Variants in PALD1 observed in about 807,000 individuals in gnomAD.
The protein encoded by PALD1 is phosphatase domain containing paladin 1, also known as paladin.
Under a neutral mutation model 96.0 loss-of-function variants are expected in PALD1, and 57 were observed. The ratio of observed to expected loss-of-function variants is 0.59; its 90% confidence interval spans 0.48 to 0.74. PALD1 has a LOEUF of 0.74. PALD1 is among the 30% of genes least tolerant of loss of function. The pLI, the probability that PALD1 is intolerant of heterozygous loss-of-function variation, is 0.00. For synonymous variants in PALD1, 464 were observed against 473.6 expected, an observed-to-expected ratio of 0.98 and a Z score of 0.26; for missense variants, 1,063 against 1,143.7, an observed-to-expected ratio of 0.93 and a Z score of 1.02.
At chr10:70,511,642 C>T (rs965435963) in intron 1 of PALD1, among the ~76,000 whole-genome samples, 8 of 152,196 alleles carry the variant, frequency 5.3e-5, no homozygotes, top group African/African-American at 9.7e-5. Flanking sequence ...GCATCTGGTG[C>T]AGGCCTTCTT....
At chr10:70,526,201 G>C in intron 2 of PALD1, 65 bp downstream of exon 2, 1 of 1,362,576 alleles carries the variant, frequency 7.3e-7, no homozygotes, top group Non-Finnish European at 1.0e-6. Flanking sequence ...ACCTGCTTGG[G>C]GGTGCAGTGG....
intron 10 of PALD1, among the ~76,000 whole-genome samples, chr10:70,535,632 G>A (rs558472865): frequency 9.3e-6 from 1 of 107,468 alleles, no homozygotes; most frequent in African/African-American, 3.9e-5. Flanking sequence ...CCTTCTTCTC[G>A]TCTTCCTCCT....
intron 1 of PALD1, among the ~76,000 whole-genome samples, chr10:70,514,584 T>C (rs1336134164): frequency 1.3e-5 from 2 of 152,030 alleles, no homozygotes; most frequent in Non-Finnish European, 2.9e-5. Flanking sequence ...GCCAGGAGCC[T>C]CTGCCTCCAT....
chr10:70,555,190 G>GTCTCAAACTCCTGGACTCAAGTGATC (rs1209265194), intron 18 of PALD1, among the ~76,000 whole-genome samples: 1 of 150,144 alleles, frequency 6.7e-6, no homozygotes, highest in Non-Finnish European at 1.5e-5. Flanking sequence ...TCCCAGGCTG[G>GTCTCAAACTCCTGGACTCAAGTGATC]TCTCAAACTC....
At chr10:70,484,743 T>C (rs529262157) in intron 1 of PALD1, among the ~76,000 whole-genome samples, 1 of 152,250 alleles carries the variant, frequency 6.6e-6, no homozygotes, top group Middle Eastern at 3.4e-3. Context: ...TTTGCCATTT[T>C]GACCAGGTTG....
At chr10:70,562,260 C>G (rs1257213392) in intron 18 of PALD1, among the ~76,000 whole-genome samples, 1 of 152,230 alleles carries the variant, frequency 6.6e-6, no homozygotes, top group African/African-American at 2.4e-5. Context: ...ACCTTTCACC[C>G]CTGTCCCCAT....
chr10:70,511,255 C>T (rs947778305), intron 1 of PALD1, among the ~76,000 whole-genome samples: 3 of 148,950 alleles, frequency 2.0e-5, no homozygotes, highest in Non-Finnish European at 3.0e-5. Flanking sequence ...TTTATTTCTT[C>T]GTCCTGTCTA....
intron 1 of PALD1, among the ~76,000 whole-genome samples, chr10:70,517,861 T>G (rs1846649996): frequency 6.6e-6 from 1 of 152,166 alleles, no homozygotes; most frequent in Non-Finnish European, 1.5e-5. Flanking sequence ...TTCACCCATA[T>G]TGTTGTGTCT....
At chr10:70,526,260 A>T (rs1365365156) in intron 2 of PALD1, 124 bp downstream of exon 2, 3 of 731,648 alleles carry the variant, frequency 4.1e-6, no homozygotes, top group Non-Finnish European at 7.0e-6. Context: ...ATAGATGATG[A>T]CACTGAGGCC....
In PALD1 at chr10:70,541,146, G is replaced by T; in HGVS notation, c.1953G>T (p.Lys651Asn). ...LLEALRAALSKDPGTGFVFSC... is the reference protein window; with the variant it reads ...LLEALRAALSNDPGTGFVFSC... ...AGGCCCTGCGGGCCGCCCTCTCCAA[G>T]GACCCAGGCACTGGCTTCGTGTTCA... The change falls in exon 16 of 20, where the codon AAG (lysine) becomes AAT (asparagine). Residue 651 changes from lysine (K) to asparagine (N), a missense_variant. By Grantham distance (94) the Lys-to-Asn change is moderately conservative (BLOSUM62 0). Transcript: ENST00000263563. The T allele has an allele frequency of 6.2e-7, 1 of 1,613,394 alleles. No homozygotes were observed. The highest frequency in any genetic ancestry group is 8.5e-7 in the Non-Finnish European group (1 of 1,179,694).
rs1478668497 is a variant in PALD1, at chr10:70,539,356, GC to G, written c.1725+113del. The G allele has an allele frequency of 1.1e-5, 13 of 1,214,744 alleles. No individual in the cohort carries two copies. Among genetic ancestry groups the G allele is most frequent in the East Asian group, 2.6e-5 (1 of 39,198 alleles). The allele number at this position is 1,214,744 out of a possible 1,614,324, so 75.2% of individuals were successfully genotyped here. On this transcript the variant is annotated intron_variant, in intron 14 of 19. Coordinates refer to ENST00000263563, the MANE Select transcript of PALD1 (RefSeq NM_014431.3). The surrounding 1 kb of genome is among the most constrained non-coding windows in gnomAD (Gnocchi z 4.5). Reference sequence around the variant, plus strand: ...CCCGCAGACAGATGGAGAATCTGAGGCCCCGGGAGGAGCAGTGTCAGGGAGT... The same window carrying G: ...CCCGCAGACAGATGGAGAATCTGAGGCCCGGGAGGAGCAGTGTCAGGGAGT...
At chr10:70,529,090 T>A in intron 2 of PALD1, 139 bp from the exon 3 acceptor site, 1 of 603,352 alleles carries the variant, frequency 1.7e-6, no homozygotes, top group Non-Finnish European at 3.0e-6. Flanking sequence ...GAGTGGATAT[T>A]GAGGGACAAT....
intron 1 of PALD1, among the ~76,000 whole-genome samples, chr10:70,484,440 A>C (rs1208809256): frequency 6.6e-6 from 1 of 152,264 alleles, no homozygotes; most frequent in Non-Finnish European, 1.5e-5. Context: ...CAAAGAATAC[A>C]ACCAAAATTA....
At chr10:70,487,703 A>G (rs1265367382) in intron 1 of PALD1, among the ~76,000 whole-genome samples, 1 of 152,126 alleles carries the variant, frequency 6.6e-6, no homozygotes, top group Non-Finnish European at 1.5e-5. Context: ...CTTTAAAAAA[A>G]AAAACAAAAA....
At chr10:70,497,564 C>CTT (rs34038407) in intron 1 of PALD1, among the ~76,000 whole-genome samples, 15 of 142,224 alleles carry the variant, frequency 1.1e-4, no homozygotes, top group African/African-American at 1.5e-4. Flanking sequence ...GCATTAAAAA[C>CTT]TTTTTTTTTT....
Position 70,529,913 on chromosome 10 carries a change from G to A in PALD1, c.313G>A (p.Val105Ile), listed in dbSNP as rs769693757. Residue 105 changes from valine (V) to isoleucine (I), a missense_variant, in exon 4 of 20, where the codon GTC (valine) becomes ATC (isoleucine). By Grantham distance (29) the Val-to-Ile change is conservative. Coordinates refer to ENST00000263563, the MANE Select transcript of PALD1 (RefSeq NM_014431.3). ...VQGRYFLVRD[V>I]TEKMDVLGTV... ...GGGCCGCTACTTCCTGGTGCGGGATGTCACTGAGAAGATGGATGTGCTGGG... is the reference window on the plus strand; with the variant it reads ...GGGCCGCTACTTCCTGGTGCGGGATATCACTGAGAAGATGGATGTGCTGGG... The A allele has an allele frequency of 8.1e-6, 13 of 1,613,822 alleles. No individual in the cohort carries two copies. Among genetic ancestry groups the A allele is most frequent in the Non-Finnish European group, 1.0e-5 (12 of 1,179,920 alleles).
chr10:70,563,901 G>C (rs1217594564), intron 18 of PALD1, among the ~76,000 whole-genome samples: 3 of 152,232 alleles, frequency 2.0e-5, no homozygotes, highest in South Asian at 4.1e-4. Context: ...CCTCGCCGAG[G>C]GAGGCCTGAG....
intron 5 of PALD1, 152 bp downstream of exon 5, chr10:70,531,606 G>A (rs1303706190): frequency 8.9e-6 from 6 of 677,044 alleles, no homozygotes; most frequent in African/African-American, 3.6e-5. Context: ...GCTGACTCAC[G>A]GGCAGCCAGA....
At chr10:70,470,756 G>A in the PALD1 span, among the ~76,000 whole-genome samples, 40 of 150,982 alleles carry the variant, frequency 2.6e-4, no homozygotes, top group African/African-American at 9.0e-4. Flanking sequence ...CTACAGGCAC[G>A]CACCACCACG....
Sources: allele counts gnomAD v4.1 joint callset (sites outside exome capture counted in the v4.1 genomes callset), GRCh38; gene constraint gnomAD v4.1.1; non-coding constraint Gnocchi (gnomAD v3.1); transcripts MANE v1.5; gene names NCBI Gene and HGNC (gene_info 2026-07-23, HGNC 2026-07-21).